ELAPOR1: variants seen among roughly 807,000 people sequenced by gnomAD.
ELAPOR1 encodes endosome/lysosome-associated apoptosis and autophagy regulator 1.
In ELAPOR1, 77 loss-of-function variants were observed where a neutral mutation model predicts 119.7. The observed-to-expected ratio is 0.64, with a 90% CI of 0.54 to 0.78. ELAPOR1 has a LOEUF of 0.78. Ranked by LOEUF, ELAPOR1 falls within the 30% of genes least tolerant of loss-of-function variation. The pLI, the probability that ELAPOR1 is intolerant of heterozygous loss-of-function variation, is 0.00. For synonymous variants in ELAPOR1, 481 were observed against 487.2 expected (o/e 0.99, Z 0.17); for missense variants, 1,115 against 1,270.4 (o/e 0.88, Z 1.86).
intron 1 of ELAPOR1, among the ~76,000 whole-genome samples, chr1:109,140,210 C>T (rs1649742928): frequency 6.6e-6 from 1 of 152,166 alleles, no homozygotes; most frequent in Non-Finnish European, 1.5e-5. Context: ...TTATAGGATG[C>T]ACAACCTGTA....
chr1:109,177,783 G>A (rs1652439470), intron 7 of ELAPOR1, among the ~76,000 whole-genome samples: 1 of 151,986 alleles, frequency 6.6e-6, no homozygotes, highest in Non-Finnish European at 1.5e-5. Context: ...CTAAATCTCT[G>A]GCTCCCTTTA....
intron 2 of ELAPOR1, 25 bp downstream of exon 2, chr1:109,162,039 C>T: frequency 6.3e-7 from 1 of 1,592,340 alleles, no homozygotes; most frequent in Non-Finnish European, 8.6e-7. Flanking sequence ...TGCTCAGGGC[C>T]TCCCTGTCAC....
At chr1:109,175,018 G>C (rs899872988) in intron 7 of ELAPOR1, among the ~76,000 whole-genome samples, 1 of 151,760 alleles carries the variant, frequency 6.6e-6, no homozygotes, top group Non-Finnish European at 1.5e-5. Context: ...CCCGGCCTGG[G>C]TTGCAATCTT....
chr1:109,147,207 C>T (rs575043799), intron 1 of ELAPOR1, among the ~76,000 whole-genome samples: 7 of 152,024 alleles, frequency 4.6e-5, no homozygotes, highest in East Asian at 3.9e-4. Flanking sequence ...TGAGCCACCA[C>T]GCCTGGCCTA....
At chr1:109,125,235 T>C (rs986178619) in intron 1 of ELAPOR1, among the ~76,000 whole-genome samples, 4 of 151,248 alleles carry the variant, frequency 2.6e-5, no homozygotes, top group Middle Eastern at 3.4e-3. Flanking sequence ...AGCTGGTAAT[T>C]TTTGTATTTT....
At chr1:109,130,601 C>A (rs1649099504) in intron 1 of ELAPOR1, among the ~76,000 whole-genome samples, 1 of 151,936 alleles carries the variant, frequency 6.6e-6, no homozygotes, top group Non-Finnish European at 1.5e-5. Flanking sequence ...GGCACCTCGG[C>A]CTCCCAAAGT....
intron 1 of ELAPOR1, among the ~76,000 whole-genome samples, chr1:109,142,509 T>C (rs191704135): frequency 7.8e-4 from 119 of 152,296 alleles, no homozygotes; most frequent in Middle Eastern, 3.4e-3. Context: ...TGGGAAGAGG[T>C]GAGCACAGTC....
Position 109,146,403 on chromosome 1 carries a change from T to C in ELAPOR1, c.154-15491T>C, listed in dbSNP as rs529551918. On this transcript the variant is annotated intron_variant, in intron 1 of 21. Transcript: ENST00000369939. ...AAAAAGATAAATCCATATCTAGATA[T>C]ATATCAGTGTGGAAGCTGTGTGGCT... is the stretch of plus-strand genomic sequence containing the variant. 6.6e-5 allele frequency among the ~76,000 whole-genome samples: 10 copies of C among 152,230 alleles called. No homozygotes were observed. In the South Asian group the frequency reaches 2.1e-3, roughly 32 times the overall value.
chr1:109,157,104 T>A (rs1558037588), intron 1 of ELAPOR1, among the ~76,000 whole-genome samples: 1 of 152,190 alleles, frequency 6.6e-6, no homozygotes, highest in South Asian at 2.1e-4. Flanking sequence ...AAATTTTTTA[T>A]CTACTTGGCT....
chr1:109,146,253 G>A (rs965526192), intron 1 of ELAPOR1, among the ~76,000 whole-genome samples: 2 of 152,048 alleles, frequency 1.3e-5, no homozygotes, highest in South Asian at 2.1e-4. Context: ...CAGGGAAGTC[G>A]AGGCTGCAGT....
intron 1 of ELAPOR1, among the ~76,000 whole-genome samples, chr1:109,143,572 A>T (rs1334621436): frequency 6.6e-6 from 1 of 152,168 alleles, no homozygotes; most frequent in East Asian, 1.9e-4. Context: ...ATATATTAAA[A>T]CTTCCTAAAT....
intron 1 of ELAPOR1, among the ~76,000 whole-genome samples, chr1:109,141,221 C>T (rs1189399631): frequency 6.6e-6 from 1 of 151,998 alleles, no homozygotes; most frequent in African/African-American, 2.4e-5. Context: ...ATTACTTATT[C>T]TAATATAAAT....
At chr1:109,141,353 C>G (rs959514884) in intron 1 of ELAPOR1, among the ~76,000 whole-genome samples, 2 of 152,036 alleles carry the variant, frequency 1.3e-5, no homozygotes, top group Admixed American at 6.6e-5. Context: ...CTCTGCCTCT[C>G]GAGGTTCACA....
chr1:109,173,375 T>C, intron 5 of ELAPOR1, 99 bp from the exon 6 acceptor site: 1 of 936,898 alleles, frequency 1.1e-6, no homozygotes, highest in Non-Finnish European at 1.7e-6. Context: ...AGCATTACCA[T>C]GCAGTTAGTA....
intron 1 of ELAPOR1, among the ~76,000 whole-genome samples, chr1:109,121,773 CT>C (rs10714498): frequency 0.23 from 30,922 of 134,022 alleles, 3,406 homozygotes; most frequent in African/African-American, 0.42. Context: ...CTGTGTATTA[CT>C]TTTTTTTTTT....
intron 3 of ELAPOR1, among the ~76,000 whole-genome samples, chr1:109,170,100 A>G (rs1651836197): frequency 6.6e-6 from 1 of 152,264 alleles, no homozygotes; most frequent in South Asian, 2.1e-4. Flanking sequence ...CCATAAATAT[A>G]ATACCATTTA....
intron 7 of ELAPOR1, among the ~76,000 whole-genome samples, chr1:109,175,049 A>G (rs1652181121): frequency 1.3e-5 from 2 of 151,914 alleles, no homozygotes; most frequent in South Asian, 4.2e-4. Context: ...TTGTAGAAAC[A>G]CGGTCTCACT....
chr1:109,202,086 C>T (rs1395882640), intron 21 of ELAPOR1, among the ~76,000 whole-genome samples: 1 of 152,078 alleles, frequency 6.6e-6, no homozygotes, highest in Non-Finnish European at 1.5e-5. Context: ...GGCAACAGAG[C>T]GAGACCCTGT....
chr1:109,145,463 A>G (rs7530367), intron 1 of ELAPOR1, among the ~76,000 whole-genome samples: 17 of 151,962 alleles, frequency 1.1e-4, no homozygotes, highest in Admixed American at 3.3e-4. Flanking sequence ...TGAGACCAGC[A>G]TGGTCAACAT....
Sources: allele counts gnomAD v4.1 joint callset (sites outside exome capture counted in the v4.1 genomes callset), GRCh38; gene constraint gnomAD v4.1.1; transcripts MANE v1.5; gene names NCBI Gene and HGNC (gene_info 2026-07-23, HGNC 2026-07-21).